Variants in KIF26B observed in about 807,000 individuals in gnomAD.
KIF26B encodes kinesin family member 26B, also known as kinesin-like protein KIF26B.
In KIF26B, 63 loss-of-function variants were observed where a neutral mutation model predicts 151.2. That is an observed-to-expected ratio of 0.42 (90% CI 0.34 to 0.51). The LOEUF (loss-of-function observed/expected upper bound fraction) is 0.51, where lower values mean the gene tolerates loss of function less well. Ranked by LOEUF, KIF26B falls within the 20% of genes least tolerant of loss-of-function variation. The probability of loss-of-function intolerance (pLI) is 0.07; values close to 1 mark genes in which losing one functional copy is unlikely to be tolerated. For missense variants in KIF26B, 2,813 were observed against 2,913.6 expected, an observed-to-expected ratio of 0.97 and a Z score of 0.79; for synonymous variants, 1,357 against 1,262.1, an observed-to-expected ratio of 1.08 and a Z score of -1.59.
At chr1:245,294,955 G>C (rs1026718419) in intron 2 of KIF26B, among the ~76,000 whole-genome samples, 1 of 152,158 alleles carries the variant, frequency 6.6e-6, no homozygotes, top group African/African-American at 2.4e-5. Context: ...GAGCCACTGT[G>C]CCCGGCTGGG....
chr1:245,552,125 GTGTGTGT>G (rs1661898758), intron 5 of KIF26B, among the ~76,000 whole-genome samples: 3 of 56,206 alleles, frequency 5.3e-5, no homozygotes, highest in South Asian at 9.4e-4. Flanking sequence ...CCAGCAGGGT[GTGTGTGT>G]GTGTGTGTGT....
At chr1:245,204,148 A>G (rs1182419729) in intron 2 of KIF26B, among the ~76,000 whole-genome samples, 2 of 152,192 alleles carry the variant, frequency 1.3e-5, no homozygotes, top group Non-Finnish European at 2.9e-5. Context: ...GGTGGCAGTG[A>G]CATACTGGCT....
chr1:245,197,138 T>C (rs1035618131), intron 2 of KIF26B, among the ~76,000 whole-genome samples: 1 of 152,214 alleles, frequency 6.6e-6, no homozygotes, highest in Non-Finnish European at 1.5e-5. Context: ...CCATCATAAA[T>C]ATTTGGTGAT....
rs1241868679 is a variant in KIF26B at position 245,352,930 on chromosome 1, A to G, written c.466-13904A>G. 2.6e-5 allele frequency among the ~76,000 whole-genome samples: 4 copies of G among 151,768 alleles called. No individual in the cohort carries two copies. The highest frequency in any genetic ancestry group is 5.9e-5 in the Non-Finnish European group (4 of 67,960). ...CTCTTGCTATAGACTTTTGCTTTTT[A>G]CTCTTTTCCACTGAGTCTGCTCATA... On this transcript the variant is annotated intron_variant, in intron 2 of 14. Transcript: ENST00000407071. This position sits in a 1 kb window ranked among gnomAD's most constrained non-coding sequence, Gnocchi z 5.0.
intron 2 of KIF26B, among the ~76,000 whole-genome samples, chr1:245,303,010 A>AAAG (rs1671457142): frequency 1.3e-5 from 2 of 149,060 alleles, no homozygotes; most frequent in Non-Finnish European, 3.0e-5. Flanking sequence ...AAAAAAAAAA[A>AAAG]AAAGAAAGAA....
intron 10 of KIF26B, among the ~76,000 whole-genome samples, chr1:245,651,592 C>T (rs2044015857): frequency 6.6e-6 from 1 of 152,192 alleles, no homozygotes; most frequent in Non-Finnish European, 1.5e-5. Flanking sequence ...GGTTCCAAAC[C>T]CCCAGGCCAC....
chr1:245,158,895 T>G (rs1016235594), intron 2 of KIF26B, among the ~76,000 whole-genome samples: 11 of 152,008 alleles, frequency 7.2e-5, no homozygotes, highest in Non-Finnish European at 1.3e-4. Context: ...CATTTGTACC[T>G]TGCATTTAGG....
At position 245,688,823 on chromosome 1, in the gene KIF26B, C is replaced by T. The variant is rs767114509; in HGVS notation, c.5824+16C>T. The T allele has an allele frequency of 2.3e-5, 35 of 1,554,286 alleles. No homozygotes were observed. Among genetic ancestry groups the T allele is most frequent in the Admixed American group, 2.1e-4 (12 of 55,924 alleles). On this transcript the variant is annotated intron_variant, in intron 12 of 14. Coordinates refer to ENST00000407071, the MANE Select transcript of KIF26B (RefSeq NM_018012.4). ...TCCAATCCAGGTAGGCGGCTGGGCG[C>T]AGGGACGCGGGTGAGGAGGGCGGCA...
At chr1:245,444,133 T>TACTGTTCACCTAGAGCGGTCATCTCCCTC (rs1295054731) in intron 4 of KIF26B, among the ~76,000 whole-genome samples, 1 of 58,434 alleles carries the variant, frequency 1.7e-5, no homozygotes, top group African/African-American at 4.8e-5. Flanking sequence ...TCATCTCCCT[T>TACTGTTCACCTAGAGCGGTCATCTCCCTC]ACTGTTCACC....
At chr1:245,247,288 TA>T (rs769748932) in intron 2 of KIF26B, among the ~76,000 whole-genome samples, 2,231 of 116,730 alleles carry the variant, frequency 0.019, 44 homozygotes, top group African/African-American at 0.056. Context: ...TCATCTCTAC[TA>T]AAAAAAAAAA....
chr1:245,552,740 C>T (rs967143924), intron 5 of KIF26B, among the ~76,000 whole-genome samples: 1 of 151,890 alleles, frequency 6.6e-6, no homozygotes, highest in African/African-American at 2.4e-5. Flanking sequence ...GCTGGGATTA[C>T]AGGCACATGC....
chr1:245,225,379 C>A (rs1221468447), intron 2 of KIF26B, among the ~76,000 whole-genome samples: 1 of 152,236 alleles, frequency 6.6e-6, no homozygotes, highest in Non-Finnish European at 1.5e-5. Context: ...GCTGTACTTT[C>A]CTGTCCAATC....
chr1:245,581,926 G>GAGGAAGGAAGGAAGGAAGGA (rs141698408), intron 5 of KIF26B, among the ~76,000 whole-genome samples: 3,039 of 142,326 alleles, frequency 0.021, 64 homozygotes, highest in African/African-American at 0.037. Context: ...AAGAGAGAAA[G>GAGGAAGGAAGGAAGGAAGGA]AGGAAGGAAG....
intron 2 of KIF26B, among the ~76,000 whole-genome samples, chr1:245,285,463 C>A (rs1267152797): frequency 6.6e-6 from 1 of 152,088 alleles, no homozygotes; most frequent in Non-Finnish European, 1.5e-5. Context: ...ATTCAATTTG[C>A]CACAGGGAAA....
chr1:245,433,477 A>AAAAAAAAAAAG (rs1553274011), intron 4 of KIF26B, among the ~76,000 whole-genome samples: 1 of 147,742 alleles, frequency 6.8e-6, no homozygotes, highest in African/African-American at 2.5e-5. Flanking sequence ...AAAAAAAAAA[A>AAAAAAAAAAAG]AAGAAGAAGA....
At chr1:245,681,329 C>T (rs57704153) in intron 10 of KIF26B, among the ~76,000 whole-genome samples, 9,167 of 151,992 alleles carry the variant, frequency 0.06, 645 homozygotes, top group African/African-American at 0.17. Flanking sequence ...CCTGCCTCAG[C>T]CTCCTGAGTA....
chr1:245,552,127 G>A (rs1027477057), intron 5 of KIF26B, among the ~76,000 whole-genome samples: 3,376 of 66,798 alleles, frequency 0.051, 95 homozygotes, highest in South Asian at 0.13. Context: ...AGCAGGGTGT[G>A]TGTGTGTGTG....
At chr1:245,504,298 GTC>G (rs985311856) in intron 4 of KIF26B, among the ~76,000 whole-genome samples, 3 of 150,134 alleles carry the variant, frequency 2.0e-5, no homozygotes, top group Non-Finnish European at 3.0e-5. Context: ...CTCCTTCTTG[GTC>G]TCTCTCTCTC....
intron 2 of KIF26B, among the ~76,000 whole-genome samples, chr1:245,344,410 G>A (rs1672399911): frequency 6.6e-6 from 1 of 150,660 alleles, no homozygotes; most frequent in Admixed American, 6.6e-5. Context: ...CAGGAGAGTG[G>A]CGTGAACCCG....
Sources: gnomAD v4.1 joint callset for allele counts (sites outside exome capture counted in the v4.1 genomes callset) on GRCh38, gnomAD v4.1.1 for gene constraint, Gnocchi (gnomAD v3.1) non-coding constraint, MANE v1.5 for transcripts, NCBI Gene and HGNC (gene_info 2026-07-23, HGNC 2026-07-21) for gene names.